AGXT2: variants seen among roughly 807,000 people sequenced by gnomAD.
AGXT2 encodes alanine--glyoxylate aminotransferase 2.
Under a neutral mutation model 62.5 loss-of-function variants are expected in AGXT2, and 61 were observed. The observed-to-expected ratio is 0.98, with a 90% CI of 0.79 to 1.21. The LOEUF (loss-of-function observed/expected upper bound fraction) is 1.21. Ranked by LOEUF, AGXT2 falls within the 50% of genes most tolerant of loss-of-function variation. The pLI is 0.00. For missense variants in AGXT2, 666 were observed against 641.5 expected (o/e 1.04, Z -0.41); for synonymous variants, 243 against 218.7 (o/e 1.11, Z -0.98).
In AGXT2 at chr5:35,003,850, C is replaced by G; in HGVS notation, c.1350G>C (p.Arg450=). The G allele has an allele frequency of 6.2e-7, 1 of 1,613,964 alleles. No individual in the cohort carries two copies. Among genetic ancestry groups the G allele is most frequent in the Admixed American group, 1.7e-5 (1 of 60,022 alleles). The part of the protein sequence containing the change: ...IEMVQDKISC[R]PLPREEVNQI... ...GATTTACTTCTTCACGGGGAAGAGG[C>G]CGACAGCTTATCTGTAAATATATTT... The change falls in exon 13 of 14, where the codon CGG becomes CGC. Residue 450 remains arginine, a synonymous_variant. Transcript: ENST00000231420.
At chr5:35,009,739 G>C (rs2112186169) in intron 12 of AGXT2, among the ~76,000 whole-genome samples, 1 of 152,186 alleles carries the variant, frequency 6.6e-6, no homozygotes, top group African/African-American at 2.4e-5. Flanking sequence ...TTCGGTCATT[G>C]CCTATGCTAT....
chr5:35,036,856 A>G (rs1207355873), intron 4 of AGXT2, 86 bp downstream of exon 4: 3 of 1,598,660 alleles, frequency 1.9e-6, no homozygotes, highest in Non-Finnish European at 2.6e-6. Flanking sequence ...CCCTAGAATC[A>G]TAAGACTCCT....
intron 3 of AGXT2, among the ~76,000 whole-genome samples, chr5:35,037,461 A>G (rs986312529): frequency 3.9e-5 from 6 of 152,168 alleles, no homozygotes; most frequent in Non-Finnish European, 8.8e-5. Flanking sequence ...CTAAAGAAGA[A>G]GAGATTCATC....
intron 9 of AGXT2, 95 bp downstream of exon 9, chr5:35,025,668 G>C (rs890643647): frequency 1.7e-5 from 23 of 1,327,714 alleles, no homozygotes; most frequent in Admixed American, 1.5e-4. Context: ...CAGAGCAGAG[G>C]CTTTCTGCCT....
chr5:35,034,934 A>G (rs1767706356), intron 5 of AGXT2, among the ~76,000 whole-genome samples: 1 of 152,144 alleles, frequency 6.6e-6, no homozygotes, highest in Non-Finnish European at 1.5e-5. Context: ...CTTCAAAGTT[A>G]AAAAACTGTC....
chr5:35,022,650 C>A (rs560286517), intron 9 of AGXT2, among the ~76,000 whole-genome samples: 1 of 150,494 alleles, frequency 6.6e-6, no homozygotes, highest in African/African-American at 2.4e-5. Context: ...GTGCAGCGCA[C>A]CAGCATGGCA....
chr5:35,038,763 G>T (rs957953843), intron 3 of AGXT2, among the ~76,000 whole-genome samples: 1 of 152,164 alleles, frequency 6.6e-6, no homozygotes, highest in African/African-American at 2.4e-5. Flanking sequence ...AACCAAGAAC[G>T]CTCCAAGGGT....
chr5:35,003,555 C>T (rs1025087524), intron 13 of AGXT2, among the ~76,000 whole-genome samples: 1 of 151,630 alleles, frequency 6.6e-6, no homozygotes, highest in Non-Finnish European at 1.5e-5. Flanking sequence ...CCCCTAGTGG[C>T]CTGAGAGCTG....
At chr5:35,026,364 T>G (rs137970182) in intron 8 of AGXT2, 46 bp downstream of exon 8, 2 of 1,479,070 alleles carry the variant, frequency 1.4e-6, no homozygotes, top group South Asian at 2.3e-5. Context: ...AACTTTCTGA[T>G]AATTGAAGAT....
Position 35,025,769 on chromosome 5 carries a change from T to C in AGXT2, c.957A>G (p.Ala319=), listed in dbSNP as rs368238161. ...LVRARGGVCI[A]DEVQTGFGRL... is the part of the protein sequence containing the mutation. Reference sequence around the variant, plus strand: ...ACCCTTACATGCCACTTACTTCATCTGCAATGCACACGCCTCCCCTTGCTC... The same window carrying C: ...ACCCTTACATGCCACTTACTTCATCCGCAATGCACACGCCTCCCCTTGCTC... Residue 319 remains alanine (A), a synonymous_variant, in exon 9 of 14, where the codon GCA becomes GCG. Transcript: ENST00000231420. 1.3e-5 allele frequency: 21 copies of C among 1,614,004 alleles called. No individual in the cohort carries two copies. In the African/African-American group the frequency reaches 2.5e-4, roughly 19 times the overall value.
At chr5:35,014,566 T>C (rs977104167) in intron 9 of AGXT2, among the ~76,000 whole-genome samples, 4 of 152,174 alleles carry the variant, frequency 2.6e-5, no homozygotes, top group East Asian at 1.9e-4. Context: ...CATCCTGTAG[T>C]ATCATGGACA....
chr5:34,998,796 T>A lies in AGXT2; in HGVS notation c.1468A>T (p.Thr490Ser). Reference sequence around the variant, plus strand: ...ACTGCAAAATCAACTTCTGGTTTAGTGATGCACATTGAGGGCGCAATGCGA... The same window carrying A: ...ACTGCAAAATCAACTTCTGGTTTAGAGATGCACATTGAGGGCGCAATGCGA... ...TFRIAPSMCI[T>S]KPEVDFAVEV... Residue 490 changes from threonine to serine, a missense_variant, in exon 14 of 14, where the codon ACT (threonine) becomes TCT (serine). Transcript: ENST00000231420. The A allele has an allele frequency of 6.2e-7, 1 of 1,613,958 alleles. No homozygotes were observed. Among genetic ancestry groups the A allele is most frequent in the Middle Eastern group, 1.6e-4 (1 of 6,062 alleles).
Position 35,025,772 on chromosome 5 carries a change from A to G in AGXT2, c.954T>C (p.Ile318=). Residue 318 remains isoleucine (I), a synonymous_variant, in exon 9 of 14, where the codon ATT becomes ATC. Transcript: ENST00000231420. ...CTTACATGCCACTTACTTCATCTGCAATGCACACGCCTCCCCTTGCTCGCA... is the reference window on the plus strand; with the variant it reads ...CTTACATGCCACTTACTTCATCTGCGATGCACACGCCTCCCCTTGCTCGCA... ...ELVRARGGVC[I]ADEVQTGFGR... is the part of the protein sequence containing the mutation. The G allele has an allele frequency of 6.2e-7, 1 of 1,614,120 alleles. No individual in the cohort carries two copies. Among genetic ancestry groups the G allele is most frequent in the Non-Finnish European group, 8.5e-7 (1 of 1,180,000 alleles).
chr5:35,040,742 T>C, intron 1 of AGXT2, 79 bp from the exon 2 acceptor site: 1 of 1,043,194 alleles, frequency 9.6e-7, no homozygotes, highest in Non-Finnish European at 1.5e-6. Context: ...GTTATCCAAA[T>C]AAAACTGCTT....
chr5:35,039,359 G>A lies in AGXT2; in HGVS notation c.327C>T (p.Ser109=), dbSNP rs201752897. 3.6e-4 allele frequency: 589 copies of A among 1,614,050 alleles called. 4 individuals are homozygous for A. The South Asian group carries it at 3.9e-3, about 11-fold the overall frequency. ...GGCCAACACTGACAGTAACAATCCC[G>A]GAAAAGAAATCCAGGTATCTGCTTC... ...AEGSRYLDFF[S]GIVTVSVGHC... The change falls in exon 3 of 14, where the codon TCC becomes TCT. Residue 109 remains serine (S), a synonymous_variant. Transcript: ENST00000231420.
chr5:35,002,650 A>G (rs1163803313), intron 13 of AGXT2, among the ~76,000 whole-genome samples: 1 of 152,146 alleles, frequency 6.6e-6, no homozygotes. Flanking sequence ...GCTTAGAAAG[A>G]GCGCCCTCAC....
intron 4 of AGXT2, among the ~76,000 whole-genome samples, chr5:35,036,297 A>G (rs1028845902): frequency 2.0e-5 from 3 of 152,226 alleles, no homozygotes; most frequent in Admixed American, 1.3e-4. Flanking sequence ...TGTAGAGAAC[A>G]TGGTAAAATA....
rs1275002168 is a variant in AGXT2, at chr5:35,007,834, C to A, written c.1338+2166G>T. Among the ~76,000 whole-genome samples the A allele has an allele frequency of 3.9e-5, 6 of 152,088 alleles. No individual in the cohort carries two copies. In the South Asian group the frequency reaches 1.0e-3, roughly 26 times the overall value. On this transcript the variant is annotated intron_variant, in intron 12 of 13. Coordinates refer to ENST00000231420, the MANE Select transcript of AGXT2 (RefSeq NM_031900.4). Reference sequence around the variant, plus strand: ...AAAAGAGGTGCTTGGGTGGTGGGGGCAGATCCCTCATGAATGTCTTGGTGC... The same window carrying A: ...AAAAGAGGTGCTTGGGTGGTGGGGGAAGATCCCTCATGAATGTCTTGGTGC...
intron 4 of AGXT2, among the ~76,000 whole-genome samples, chr5:35,036,324 G>A (rs192613342): frequency 5.9e-5 from 9 of 152,226 alleles, no homozygotes; most frequent in Non-Finnish European, 1.0e-4. Context: ...GATAACACTC[G>A]GGACTGAGCA....
Sources: allele counts gnomAD v4.1 joint callset (sites outside exome capture counted in the v4.1 genomes callset), GRCh38; gene constraint gnomAD v4.1.1; transcripts MANE v1.5; gene names NCBI Gene and HGNC (gene_info 2026-07-23, HGNC 2026-07-21).